The following TNS3 variants were observed in gnomAD, a reference collection of about 807,000 sequenced individuals.
The protein encoded by TNS3 is tensin 3.
In TNS3, 45 loss-of-function variants were observed where a neutral mutation model predicts 140.9. The ratio of observed to expected loss-of-function variants is 0.32; its 90% CI spans 0.25 to 0.41. The LOEUF is 0.41. Among genes scored for constraint, TNS3 ranks in the 10% least tolerant of loss-of-function variants. The pLI is 1.00. For missense variants in TNS3, 1,716 were observed against 1,906.7 expected (o/e 0.90, Z 1.86); for synonymous variants, 815 against 788.4 (o/e 1.03, Z -0.56).
intron 4 of TNS3, among the ~76,000 whole-genome samples, chr7:47,471,606 C>T (rs1796956842): frequency 6.6e-6 from 1 of 152,240 alleles, no homozygotes; most frequent in Admixed American, 6.5e-5. Context: ...AGTTCATCAC[C>T]AGAAGCTCCT....
At chr7:47,374,659 G>A (rs1396561252) in intron 16 of TNS3, among the ~76,000 whole-genome samples, 1 of 152,224 alleles carries the variant, frequency 6.6e-6, no homozygotes, top group African/African-American at 2.4e-5. Flanking sequence ...AAACCAAACA[G>A]GAGCCCGCAC....
rs1429828827 is a variant in TNS3 at position 47,302,352 on chromosome 7, G to A, written c.3458-80C>T. 3.3e-6 allele frequency: 4 copies of A among 1,198,418 alleles called. No individual in the cohort carries two copies. The East Asian group carries it at 7.1e-5, about 21-fold the overall frequency. The allele number at this position is 1,198,418 out of a possible 1,614,324, so 74.2% of individuals were successfully genotyped here. The stretch of plus-strand genomic sequence containing the variant: ...CCTCTCATCTGCTGTGATCCCAGAA[G>A]TCCAAATCCCATGCCAAGGGCAAGC... On this transcript the variant is annotated intron_variant, in intron 22 of 30. Coordinates refer to ENST00000311160, the MANE Select transcript of TNS3 (RefSeq NM_022748.12).
In TNS3 at chr7:47,276,326, A is replaced by ACACG. The variant is rs1209667209; in HGVS notation, c.*1746_*1749dup. On this transcript the variant is annotated 3_prime_UTR_variant, in exon 31 of 31. Transcript: ENST00000311160. Reference sequence around the variant, plus strand: ...CACACGCATACACGCACGCATGCACACACGCACACACACACAACACCCACT... The same window carrying ACACG: ...CACACGCATACACGCACGCATGCACACACGCACGCACACACACACAACACCCACT... 1 of 154,762 alleles carries ACACG rather than the reference A, an allele frequency of 6.5e-6. No homozygotes were observed. Among genetic ancestry groups the ACACG allele is most frequent in the East Asian group, 1.9e-4 (1 of 5,240 alleles). 9.6% of individuals were successfully genotyped at this position (154,762 alleles called of 1,614,324 possible). A position where few individuals can be genotyped will look rare whatever the true frequency, so the allele number is the denominator to read the frequency against.
rs568000327 is a variant in TNS3 at position 47,466,964 on chromosome 7, C to T, written c.-76+14139G>A. Among the ~76,000 whole-genome samples the T allele has an allele frequency of 7.9e-5, 12 of 152,308 alleles. 2 individuals are homozygous for T. The South Asian group carries it at 2.5e-3, about 32-fold the overall frequency. ...GAATGAGTTGGTTCCCTACATCCCC[C>T]AAAGGTAACTAGGGAGTGCTGTGGT... On this transcript the variant is annotated intron_variant, in intron 4 of 30. Coordinates refer to ENST00000311160, the MANE Select transcript of TNS3 (RefSeq NM_022748.12).
At chr7:47,535,061 T>C (rs147303529) in intron 1 of TNS3, among the ~76,000 whole-genome samples, 1 of 152,340 alleles carries the variant, frequency 6.6e-6, no homozygotes, top group Non-Finnish European at 1.5e-5. Flanking sequence ...TGCAGTTATT[T>C]GTTTATATGC....
rs200032868 is a variant in TNS3 at position 47,400,797 on chromosome 7, T to G, written c.841A>C (p.Asn281His). The change falls in exon 14 of 31, where the codon AAT (asparagine) becomes CAT (histidine). Residue 281 changes from asparagine (N) to histidine (H), a missense_variant. Coordinates refer to ENST00000311160, the MANE Select transcript of TNS3 (RefSeq NM_022748.12). ...CTCCGCGCCTCACCTTTGCTGGCATTGTCCAGATCCTCCTTCCCAAACACC... is the reference window on the plus strand; with the variant it reads ...CTCCGCGCCTCACCTTTGCTGGCATGGTCCAGATCCTCCTTCCCAAACACC... Reference protein sequence around the residue: ...GLVFGKEDLDNASKDDRFPDY... With the variant: ...GLVFGKEDLDHASKDDRFPDY... The G allele has an allele frequency of 1.7e-4, 277 of 1,614,028 alleles. No individual in the cohort carries two copies. Among genetic ancestry groups the G allele is most frequent in the Middle Eastern group, 6.6e-4 (4 of 6,082 alleles).
At chr7:47,313,911 TCTGTCAG>T (rs1787247375) in intron 20 of TNS3, among the ~76,000 whole-genome samples, 1 of 152,226 alleles carries the variant, frequency 6.6e-6, no homozygotes, top group African/African-American at 2.4e-5. Flanking sequence ...TGTAGTTCCC[TCTGTCAG>T]ACCAGTTCCT....
intron 23 of TNS3, among the ~76,000 whole-genome samples, chr7:47,298,778 T>C (rs535259983): frequency 6.6e-6 from 1 of 152,320 alleles, no homozygotes; most frequent in African/African-American, 2.4e-5. Context: ...TGTCTGGCCA[T>C]AGGATGAAAC....
chr7:47,571,406 TA>T (rs2152017244), intron 1 of TNS3, among the ~76,000 whole-genome samples: 2 of 152,320 alleles, frequency 1.3e-5, no homozygotes, highest in African/African-American at 4.8e-5. Flanking sequence ...ACCCCCAGGG[TA>T]AACAGGCAGG....
chr7:47,571,584 G>T (rs1366809438), intron 1 of TNS3, among the ~76,000 whole-genome samples: 2 of 152,230 alleles, frequency 1.3e-5, no homozygotes, highest in Non-Finnish European at 2.9e-5. Flanking sequence ...TACCTCCAGA[G>T]GGTCAAGGGG....
chr7:47,488,054 T>G (rs1797676073), intron 3 of TNS3, among the ~76,000 whole-genome samples: 2 of 152,176 alleles, frequency 1.3e-5, no homozygotes, highest in Non-Finnish European at 2.9e-5. Context: ...GCAGCCTGGT[T>G]GCAAGGAGGG....
intron 17 of TNS3, among the ~76,000 whole-genome samples, chr7:47,355,543 G>A (rs1356683005): frequency 6.6e-6 from 1 of 152,178 alleles, no homozygotes; most frequent in African/African-American, 2.4e-5. Context: ...GCCCAGCCTG[G>A]GGGTCAGCAC....
chr7:47,538,320 G>C (rs1292410979), intron 1 of TNS3, among the ~76,000 whole-genome samples: 1 of 152,168 alleles, frequency 6.6e-6, no homozygotes, highest in African/African-American at 2.4e-5. Context: ...ACTGCCTGTG[G>C]TCTACGGTGG....
At chr7:47,341,487 TTTAAC>T (rs1398187469) in intron 20 of TNS3, among the ~76,000 whole-genome samples, 1 of 152,214 alleles carries the variant, frequency 6.6e-6, no homozygotes, top group Admixed American at 6.5e-5. Context: ...AACTGGTCTA[TTTAAC>T]CTAAGTTTTA....
intron 4 of TNS3, among the ~76,000 whole-genome samples, chr7:47,479,384 C>G (rs1000225239): frequency 1.3e-5 from 2 of 152,196 alleles, no homozygotes; most frequent in Non-Finnish European, 2.9e-5. Flanking sequence ...GCCCCTGGCT[C>G]CCGGGGCCTA....
chr7:47,430,887 A>AT (rs1258403522), intron 8 of TNS3, among the ~76,000 whole-genome samples: 1 of 151,786 alleles, frequency 6.6e-6, no homozygotes, highest in Non-Finnish European at 1.5e-5. Context: ...CACCCAGCTA[A>AT]TTTTTTTGTA....
intron 16 of TNS3, among the ~76,000 whole-genome samples, chr7:47,378,818 C>T (rs1006048402): frequency 1.1e-4 from 17 of 152,176 alleles, no homozygotes; most frequent in African/African-American, 3.9e-4. Context: ...ATCACATGAC[C>T]TCCCCTCAGC....
At chr7:47,381,666 C>A (rs914592050) in intron 16 of TNS3, among the ~76,000 whole-genome samples, 1 of 152,150 alleles carries the variant, frequency 6.6e-6, no homozygotes. Context: ...TTTTAAATCA[C>A]CCGAGATGGC....
chr7:47,524,156 G>T (rs531600778), intron 2 of TNS3, among the ~76,000 whole-genome samples: 2 of 152,188 alleles, frequency 1.3e-5, no homozygotes, highest in Admixed American at 6.5e-5. Context: ...CGAAGCAGCC[G>T]TCCCCTGGGG....
Sources: gnomAD v4.1 joint callset for allele counts (sites outside exome capture counted in the v4.1 genomes callset) on GRCh38, gnomAD v4.1.1 for gene constraint, MANE v1.5 for transcripts, NCBI Gene and HGNC (gene_info 2026-07-23, HGNC 2026-07-21) for gene names.